SASH1: variants seen among roughly 807,000 people sequenced by gnomAD.
SASH1 encodes the protein SAM and SH3 domain containing 1.
In SASH1, 44 loss-of-function variants were observed where a neutral mutation model predicts 125.2. That is an observed-to-expected ratio of 0.35 (90% CI 0.28 to 0.45). The LOEUF is 0.45. Among genes scored for constraint, SASH1 ranks in the 20% least tolerant of loss-of-function variants. SASH1 has a pLI of 1.00. For synonymous variants in SASH1, 639 were observed against 649.1 expected (o/e 0.98, Z 0.24); for missense variants, 1,426 against 1,614.5 (o/e 0.88, Z 2.00).
intron 1 of SASH1, among the ~76,000 whole-genome samples, chr6:148,286,326 G>T (rs894376673): frequency 3.3e-5 from 5 of 152,042 alleles, no homozygotes; most frequent in African/African-American, 1.2e-4. Flanking sequence ...ACTTGAACCT[G>T]GGAGGCGGAG....
intron 16 of SASH1, among the ~76,000 whole-genome samples, chr6:148,539,045 C>T (rs564495728): frequency 2.0e-5 from 3 of 151,394 alleles, no homozygotes; most frequent in Admixed American, 6.6e-5. Context: ...TGGCTTTCCA[C>T]GTGATTTACT....
At chr6:148,291,704 CAG>C (rs1337896195) in intron 1 of SASH1, among the ~76,000 whole-genome samples, 1 of 151,778 alleles carries the variant, frequency 6.6e-6, no homozygotes, top group African/African-American at 2.4e-5. Context: ...CAACAACAAA[CAG>C]TGTATTTATG....
At chr6:148,413,510 T>TA (rs1784703517) in intron 2 of SASH1, among the ~76,000 whole-genome samples, 1 of 152,124 alleles carries the variant, frequency 6.6e-6, no homozygotes, top group Admixed American at 6.6e-5. Flanking sequence ...GAGCTCATCT[T>TA]ACGATATGTA....
At chr6:148,240,383 T>A in the SASH1 span, among the ~76,000 whole-genome samples, 1 of 152,230 alleles carries the variant, frequency 6.6e-6, no homozygotes, top group Non-Finnish European at 1.5e-5. Flanking sequence ...TCCAATGTCA[T>A]CTGTTTCATT....
chr6:148,412,659 G>A (rs1041563032), intron 2 of SASH1, among the ~76,000 whole-genome samples: 3 of 152,110 alleles, frequency 2.0e-5, no homozygotes, highest in African/African-American at 7.2e-5. Flanking sequence ...TCTGGTGAAC[G>A]AATAGAGCAA....
chr6:148,356,692 T>G (rs977398054), intron 1 of SASH1, among the ~76,000 whole-genome samples: 3 of 152,080 alleles, frequency 2.0e-5, no homozygotes, highest in African/African-American at 7.2e-5. Context: ...TGACCTCAGG[T>G]GATCCTCCAG....
intron 8 of SASH1, 58 bp downstream of exon 8, chr6:148,487,773 AC>A: frequency 8.1e-7 from 1 of 1,234,800 alleles, no homozygotes; most frequent in Non-Finnish European, 1.2e-6. Context: ...GACAGTCTTC[AC>A]CATTTTAGTC....
the SASH1 span, among the ~76,000 whole-genome samples, chr6:148,210,424 T>C: frequency 6.6e-6 from 1 of 152,090 alleles, no homozygotes; most frequent in East Asian, 1.9e-4. Flanking sequence ...TCCCAGCTAC[T>C]TGGGAGGCTG....
chr6:148,370,706 C>T (rs376681676), intron 1 of SASH1, among the ~76,000 whole-genome samples: 1 of 151,946 alleles, frequency 6.6e-6, no homozygotes, highest in South Asian at 2.1e-4. Context: ...GCCTGTAGTC[C>T]CAGCTACTCG....
chr6:148,471,376 G>GCTTTTTGTT, intron 5 of SASH1, 41 bp from the exon 6 acceptor site: 1 of 1,140,206 alleles, frequency 8.8e-7, no homozygotes, highest in Non-Finnish European at 1.2e-6. Context: ...TATTGCTTGT[G>GCTTTTTGTT]CTTTTTGTTC....
chr6:148,302,972 G>GTTTA lies in SASH1; in HGVS notation n.74+30615_74+30618dup, dbSNP rs575347150. On this transcript the variant is annotated intron_variant and non_coding_transcript_variant, in intron 1 of 3. Transcript: ENST00000367469. ...CACCTCTGTACTTTAAAATTAGTTTGTTTATTTATTTATTTATTTATTTTT... is the reference window on the plus strand; with the variant it reads ...CACCTCTGTACTTTAAAATTAGTTTGTTTATTTATTTATTTATTTATTTATTTTT... Among the ~76,000 whole-genome samples, 982 of 151,674 alleles carry GTTTA rather than the reference G, an allele frequency of 6.5e-3. 11 individuals carry two copies. The highest frequency in any genetic ancestry group is 0.054 in the Middle Eastern group (16 of 294).
At chr6:148,515,274 C>A (rs901426910) in intron 9 of SASH1, among the ~76,000 whole-genome samples, 1 of 151,902 alleles carries the variant, frequency 6.6e-6, no homozygotes, top group Non-Finnish European at 1.5e-5. Context: ...TTAAAAAACA[C>A]CTTACTTGTT....
intron 1 of SASH1, among the ~76,000 whole-genome samples, chr6:148,370,274 G>A (rs1055136444): frequency 6.6e-6 from 1 of 152,106 alleles, no homozygotes; most frequent in African/African-American, 2.4e-5. Context: ...AAACAAGTAG[G>A]TAATTAACTA....
At chr6:148,252,756 G>A in the SASH1 span, among the ~76,000 whole-genome samples, 2 of 152,212 alleles carry the variant, frequency 1.3e-5, no homozygotes, top group African/African-American at 4.8e-5. Context: ...TGGGATTACA[G>A]CCATGAGCCA....
the SASH1 span, among the ~76,000 whole-genome samples, chr6:148,266,572 C>A: frequency 6.6e-6 from 1 of 152,040 alleles, no homozygotes; most frequent in Non-Finnish European, 1.5e-5. Flanking sequence ...AATAACAATT[C>A]CAACGTAAGA....
At chr6:148,205,169 T>C in the SASH1 span, among the ~76,000 whole-genome samples, 1 of 152,342 alleles carries the variant, frequency 6.6e-6, no homozygotes, top group African/African-American at 2.4e-5. Flanking sequence ...GATTTATCAA[T>C]GTCATTCGCC....
At chr6:148,449,704 T>C (rs1353314166) in intron 4 of SASH1, among the ~76,000 whole-genome samples, 1 of 152,136 alleles carries the variant, frequency 6.6e-6, no homozygotes, top group Non-Finnish European at 1.5e-5. Context: ...GGCTAATTTC[T>C]AAAGAAAAAT....
intron 1 of SASH1, among the ~76,000 whole-genome samples, chr6:148,356,046 C>A (rs568901124): frequency 6.6e-6 from 1 of 151,300 alleles, no homozygotes; most frequent in Non-Finnish European, 1.5e-5. Context: ...CCCCCAAGTC[C>A]CCCAAAGTCC....
chr6:148,290,872 A>C (rs1345546453), intron 1 of SASH1, among the ~76,000 whole-genome samples: 1 of 63,346 alleles, frequency 1.6e-5, no homozygotes, highest in African/African-American at 6.9e-5. Context: ...ATCAATAAAT[A>C]CTAAAAAAAA....
Sources: allele counts gnomAD v4.1 joint callset (sites outside exome capture counted in the v4.1 genomes callset), GRCh38; gene constraint gnomAD v4.1.1; transcripts MANE v1.5; gene names NCBI Gene and HGNC (gene_info 2026-07-23, HGNC 2026-07-21).